Variants in ATP8B1 observed in about 807,000 individuals in gnomAD.
ATP8B1 encodes ATPase phospholipid transporting 8B1.
A neutral mutation model predicts 149.9 loss-of-function variants in ATP8B1; 80 were observed. The observed-to-expected ratio is 0.53, with a 90% CI of 0.45 to 0.64. The LOEUF (loss-of-function observed/expected upper bound fraction) is 0.64. Among genes scored for constraint, ATP8B1 ranks in the 30% least tolerant of loss-of-function variants. The pLI is 0.00. For synonymous variants in ATP8B1, 536 were observed against 562.8 expected (o/e 0.95, Z 0.67); for missense variants, 1,247 against 1,552.6 (o/e 0.80, Z 3.31).
chr18:57,655,326 C>T lies in ATP8B1; in HGVS notation c.2799G>A (p.Gln933=), dbSNP rs774861664. The change falls in exon 23 of 28, where the codon CAG becomes CAA. Residue 933 remains glutamine, a synonymous_variant. Coordinates refer to ENST00000648908, the MANE Select transcript of ATP8B1 (RefSeq NM_001374385.1). The part of the protein sequence containing the change: ...DYSFAQFRYL[Q]RLLLVHGRWS... ...ATCGGCCATGCACCAGCAGTAGCCT[C>T]TGCAGATATCGGAACTGAGCAAAGG... 1 of 1,614,212 alleles carries T rather than the reference C, an allele frequency of 6.2e-7. No individual in the cohort carries two copies. The highest frequency in any genetic ancestry group is 8.5e-7 in the Non-Finnish European group (1 of 1,180,020).
intron 1 of ATP8B1, among the ~76,000 whole-genome samples, chr18:57,794,559 C>T (rs868336356): frequency 1.3e-5 from 2 of 151,740 alleles, no homozygotes; most frequent in Non-Finnish European, 2.9e-5. Context: ...GGGCCACAAC[C>T]CTGGGGCTTT....
At chr18:57,771,394 C>T (rs551410725) in intron 1 of ATP8B1, among the ~76,000 whole-genome samples, 1 of 152,262 alleles carries the variant, frequency 6.6e-6, no homozygotes, top group African/African-American at 2.4e-5. Flanking sequence ...TGGTGCATCT[C>T]CTATTGTTAG....
At chr18:57,765,225 CAGAA>C (rs1368838070) in intron 1 of ATP8B1, among the ~76,000 whole-genome samples, 1 of 152,156 alleles carries the variant, frequency 6.6e-6, no homozygotes, top group African/African-American at 2.4e-5. Flanking sequence ...AATTCAGAGA[CAGAA>C]AGCAGGATGA....
intron 2 of ATP8B1, among the ~76,000 whole-genome samples, chr18:57,713,157 C>CTCTCTTTCTTTCTT (rs1555694194): frequency 2.2e-5 from 2 of 92,100 alleles, no homozygotes; most frequent in South Asian, 4.6e-4. Flanking sequence ...CTTGATCTTT[C>CTCTCTTTCTTTCTT]TCTTTCTTTC....
chr18:57,795,541 A>G (rs2080507050), intron 1 of ATP8B1, among the ~76,000 whole-genome samples: 1 of 152,218 alleles, frequency 6.6e-6, no homozygotes, highest in Non-Finnish European at 1.5e-5. Flanking sequence ...AAGGAAGGAA[A>G]TTCTGACTTG....
At chr18:57,726,276 G>C (rs117116358) in intron 2 of ATP8B1, among the ~76,000 whole-genome samples, 1 of 152,020 alleles carries the variant, frequency 6.6e-6, no homozygotes, top group Non-Finnish European at 1.5e-5. Flanking sequence ...AAACTCTCCA[G>C]GACACTAAAC....
intron 12 of ATP8B1, among the ~76,000 whole-genome samples, chr18:57,689,919 G>T (rs1407590991): frequency 6.6e-6 from 1 of 152,210 alleles, no homozygotes; most frequent in African/African-American, 2.4e-5. Flanking sequence ...AGGAGGCTGA[G>T]GCAGGGGACT....
At chr18:57,742,299 G>C (rs1413589257) in intron 1 of ATP8B1, among the ~76,000 whole-genome samples, 1 of 152,172 alleles carries the variant, frequency 6.6e-6, no homozygotes, top group Non-Finnish European at 1.5e-5. Context: ...TACTGTTATA[G>C]AAACAGCGTA....
chr18:57,664,756 A>G (rs1437167368), intron 20 of ATP8B1, among the ~76,000 whole-genome samples: 1 of 152,180 alleles, frequency 6.6e-6, no homozygotes, highest in Non-Finnish European at 1.5e-5. Flanking sequence ...ATCTTGTCCA[A>G]TCTCTTCATG....
At chr18:57,783,942 C>A (rs1033304516) in intron 1 of ATP8B1, among the ~76,000 whole-genome samples, 13 of 152,186 alleles carry the variant, frequency 8.5e-5, no homozygotes, top group African/African-American at 3.1e-4. Flanking sequence ...GTTGTCATTT[C>A]AACAGTATTT....
intron 1 of ATP8B1, among the ~76,000 whole-genome samples, chr18:57,760,549 CA>C (rs2080139210): frequency 6.6e-6 from 1 of 152,182 alleles, no homozygotes; most frequent in Non-Finnish European, 1.5e-5. Flanking sequence ...AGATCCAGCC[CA>C]AAAGTAATGC....
At chr18:57,716,574 A>G (rs1162397516) in intron 2 of ATP8B1, among the ~76,000 whole-genome samples, 2 of 151,990 alleles carry the variant, frequency 1.3e-5, no homozygotes, top group Non-Finnish European at 2.9e-5. Context: ...AGACAAAACT[A>G]TAAGAAGAGA....
In ATP8B1 at chr18:57,795,280, G is replaced by A. The variant is rs9967539; in HGVS notation, c.-26+7718C>T. Among the ~76,000 whole-genome samples, 433 of 151,914 alleles carry A rather than the reference G, an allele frequency of 2.9e-3. 6 individuals are homozygous for A. Among genetic ancestry groups the A allele is most frequent in the African/African-American group, 0.01 (417 of 41,442 alleles). ...TAGCTGGGTGTGGTGGTGAGTGTCT[G>A]TAGTCCCAGACATTTGGGAGGCTGA... On this transcript the variant is annotated intron_variant, in intron 1 of 27. Transcript: ENST00000648908.
intron 1 of ATP8B1, among the ~76,000 whole-genome samples, chr18:57,774,217 C>A (rs893123762): frequency 1.0e-5 from 1 of 98,560 alleles, no homozygotes; most frequent in Non-Finnish European, 2.5e-5. Context: ...GGAGCCCAAT[C>A]AATCACCACC....
In ATP8B1 at chr18:57,648,395, G is replaced by T. The variant is rs1205204173; in HGVS notation, c.*93C>A. 1 of 1,351,434 alleles carries T rather than the reference G, an allele frequency of 7.4e-7. No homozygotes were observed. Among genetic ancestry groups the T allele is most frequent in the South Asian group, 1.2e-5 (1 of 84,668 alleles). The allele number at this position is 1,351,434 out of a possible 1,614,324, so 83.7% of individuals were successfully genotyped here. On this transcript the variant is annotated 3_prime_UTR_variant, in exon 28 of 28. Coordinates refer to ENST00000648908, the MANE Select transcript of ATP8B1 (RefSeq NM_001374385.1). ...TTATTGTCTTCAATATCTTTGTGAT[G>T]AATGCAATTCACACACACACACAAA...
Position 57,713,131 on chromosome 18 carries a change from G to T in ATP8B1, c.182-6544C>A, listed in dbSNP as rs114988281. On this transcript the variant is annotated intron_variant, in intron 2 of 27. Transcript: ENST00000648908. ...GAGAAAAGCAGAAGGAAAATTAAAGGGTGCTTTGTCTTGCTCTTGATCTTT... is the reference window on the plus strand; with the variant it reads ...GAGAAAAGCAGAAGGAAAATTAAAGTGTGCTTTGTCTTGCTCTTGATCTTT... Among the ~76,000 whole-genome samples, 845 of 151,072 alleles carry T rather than the reference G, an allele frequency of 5.6e-3. 4 individuals carry two copies. The highest frequency in any genetic ancestry group is 0.02 in the African/African-American group (807 of 41,112).
chr18:57,711,236 A>C (rs1913671516), intron 2 of ATP8B1, among the ~76,000 whole-genome samples: 1 of 152,168 alleles, frequency 6.6e-6, no homozygotes, highest in African/African-American at 2.4e-5. Flanking sequence ...TATTTATCAG[A>C]ACGACTAGAA....
chr18:57,725,077 A>T (rs1226427076), intron 2 of ATP8B1, among the ~76,000 whole-genome samples: 5 of 106,702 alleles, frequency 4.7e-5, no homozygotes, highest in Non-Finnish European at 7.6e-5. Flanking sequence ...CAGGAAGGGG[A>T]ATATCACACT....
At chr18:57,688,256 G>T in intron 13 of ATP8B1, 43 bp downstream of exon 13, 2 of 1,585,918 alleles carry the variant, frequency 1.3e-6, no homozygotes, top group Non-Finnish European at 8.7e-7. Context: ...CACACGGCAG[G>T]CAGCCCCACT....
Sources: gnomAD v4.1 joint callset for allele counts (sites outside exome capture counted in the v4.1 genomes callset) on GRCh38, gnomAD v4.1.1 for gene constraint, MANE v1.5 for transcripts, NCBI Gene and HGNC (gene_info 2026-07-23, HGNC 2026-07-21) for gene names.